ALOX15B: variants seen among roughly 807,000 people sequenced by gnomAD.
ALOX15B encodes the protein arachidonate 15-lipoxygenase type B.
ALOX15B carries 74 observed loss-of-function variants against 73.8 expected under a neutral mutation model. The observed-to-expected ratio is 1.00, with a 90% CI of 0.83 to 1.22. ALOX15B has a LOEUF of 1.22. Among genes scored for constraint, ALOX15B ranks in the 50% most tolerant of loss-of-function variants. ALOX15B has a pLI of 0.00. For synonymous variants in ALOX15B, 353 were observed against 357.2 expected (o/e 0.99, Z 0.13); for missense variants, 896 against 859.9 (o/e 1.04, Z -0.52).
chr17:8,040,335 G>A (rs577591847), intron 3 of ALOX15B, among the ~76,000 whole-genome samples: 22 of 151,920 alleles, frequency 1.4e-4, no homozygotes, highest in Admixed American at 2.6e-4. Flanking sequence ...ACTGGAGGTC[G>A]GGAGTTCGAG....
At chr17:8,045,771 T>C (rs897506532) in intron 8 of ALOX15B, 85 bp downstream of exon 8, 2 of 1,451,094 alleles carry the variant, frequency 1.4e-6, no homozygotes, top group Non-Finnish European at 1.9e-6. Flanking sequence ...GCCCTATCCA[T>C]GCAAGCTGGG....
intron 5 of ALOX15B, among the ~76,000 whole-genome samples, chr17:8,043,764 G>A (rs1420830973): frequency 6.6e-6 from 1 of 152,042 alleles, no homozygotes; most frequent in East Asian, 1.9e-4. Flanking sequence ...GAGGGGTACT[G>A]CCAAGAGAGG....
At chr17:8,040,635 G>GAAAGAAAGAAAT (rs1555638483) in intron 3 of ALOX15B, among the ~76,000 whole-genome samples, 10 of 131,060 alleles carry the variant, frequency 7.6e-5, no homozygotes, top group African/African-American at 2.6e-4. Flanking sequence ...AAGAAAGAAA[G>GAAAGAAAGAAAT]AAAGAAAGAA....
At chr17:8,044,105 GAGGAAGGAAGGAAGGAAGGAAGGA>G (rs556498649) in intron 5 of ALOX15B, among the ~76,000 whole-genome samples, 1 of 62,320 alleles carries the variant, frequency 1.6e-5, no homozygotes, top group African/African-American at 7.3e-5. Context: ...GAGAGAGAGA[GAGGAAGGAAGGAAGGAAGGAAGGA>G]AGGAAGGAAG....
chr17:8,044,155 A>AAGGAAGGAAG (rs1976540367), intron 5 of ALOX15B, among the ~76,000 whole-genome samples: 4 of 52,312 alleles, frequency 7.6e-5, no homozygotes, highest in African/African-American at 1.4e-4. Context: ...AAGGAAGGAA[A>AAGGAAGGAAG]GAAAGAAAAG....
chr17:8,042,914 T>C, intron 5 of ALOX15B, 30 bp downstream of exon 5: 1 of 1,515,830 alleles, frequency 6.6e-7, no homozygotes, highest in Non-Finnish European at 9.0e-7. Flanking sequence ...GATCCTGACC[T>C]CTTTCCTGGG....
intron 3 of ALOX15B, among the ~76,000 whole-genome samples, chr17:8,040,651 GAAA>G (rs138305271): frequency 1.1e-5 from 1 of 92,502 alleles, no homozygotes; most frequent in Non-Finnish European, 2.7e-5. Flanking sequence ...AAGAAAGAAA[GAAA>G]AGAAAGAGAA....
At chr17:8,041,765 G>A (rs1976469513) in intron 3 of ALOX15B, among the ~76,000 whole-genome samples, 1 of 152,126 alleles carries the variant, frequency 6.6e-6, no homozygotes, top group Non-Finnish European at 1.5e-5. Context: ...TGCCTCGGGC[G>A]GCTCCCCCTA....
chr17:8,046,876 G>A (rs1976623872), intron 9 of ALOX15B, 31 bp from the exon 10 acceptor site: 2 of 1,613,092 alleles, frequency 1.2e-6, no homozygotes, highest in Non-Finnish European at 8.5e-7. Context: ...CTGGAGCAAG[G>A]TCTGTAGGAC....
Position 8,042,373 on chromosome 17 carries a change from A to C in ALOX15B, c.454A>C (p.Lys152Gln). The C allele has an allele frequency of 6.2e-7, 1 of 1,613,928 alleles. No individual in the cohort carries two copies. Residue 152 changes from lysine (K) to glutamine (Q), a missense_variant, in exon 4 of 14, where the codon AAG becomes CAG. Transcript: ENST00000380183. ...LQARQEMYQW[K>Q]AYNPGWPHCL... ...CCTTCCCTCTCTACCCTCCAGGTGG[A>C]AGGCTTACAACCCAGGTTGGCCTCA...
intron 6 of ALOX15B, 90 bp downstream of exon 6, chr17:8,045,091 T>C: frequency 1.9e-6 from 3 of 1,588,470 alleles, no homozygotes; most frequent in Non-Finnish European, 2.6e-6. Flanking sequence ...CACACTCACA[T>C]TTGTTAGGGA....
At position 8,040,180 on chromosome 17, in the gene ALOX15B, G is replaced by T. The variant is rs556831976; in HGVS notation, c.449+197G>T. Reference sequence around the variant, plus strand: ...CCTCCAACCTACTACGACACTGAGGGTGTAGAGTGGGAATTTTTGTTTTGA... The same window carrying T: ...CCTCCAACCTACTACGACACTGAGGTTGTAGAGTGGGAATTTTTGTTTTGA... On this transcript the variant is annotated intron_variant, in intron 3 of 13. Transcript: ENST00000380183. Among the ~76,000 whole-genome samples the T allele has an allele frequency of 3.9e-5, 6 of 152,286 alleles. No homozygotes were observed. In the South Asian group the frequency reaches 1.2e-3, roughly 32 times the overall value.
At chr17:8,042,587 A>T in intron 4 of ALOX15B, 96 bp downstream of exon 4, 3 of 1,516,992 alleles carry the variant, frequency 2.0e-6, no homozygotes, top group Non-Finnish European at 2.7e-6. Flanking sequence ...CCTCAGTGAT[A>T]TGAGTCACAT....
Position 8,043,955 on chromosome 17 carries a change from G to A in ALOX15B, c.677-874G>A, listed in dbSNP as rs180741047. On this transcript the variant is annotated intron_variant, in intron 5 of 13. Transcript: ENST00000380183. ...GTGGTGGCATGGGCCTGTAGTCCCA[G>A]CTACTCAGGAGGCTGAGGCCTGAGA... is the stretch of plus-strand genomic sequence containing the variant. Among the ~76,000 whole-genome samples the A allele has an allele frequency of 9.2e-5, 14 of 152,220 alleles. No individual in the cohort carries two copies. The East Asian group carries it at 2.7e-3, about 29-fold the overall frequency.
Position 8,039,099 on chromosome 17 carries a change from G to A in ALOX15B, c.-57G>A, listed in dbSNP as rs930268710. The A allele has an allele frequency of 6.3e-7, 1 of 1,576,352 alleles. No individual in the cohort carries two copies. The highest frequency in any genetic ancestry group is 8.6e-7 in the Non-Finnish European group (1 of 1,163,770). ...GGGCAATAACCAGGCGTGTCCCAGGGGGGAGCCCCGCTCTGCAGCCCTGTG... is the reference window on the plus strand; with the variant it reads ...GGGCAATAACCAGGCGTGTCCCAGGAGGGAGCCCCGCTCTGCAGCCCTGTG... On this transcript the variant is annotated 5_prime_UTR_variant, in exon 1 of 14. Transcript: ENST00000380183.
rs923816971 is a variant in ALOX15B at position 8,039,431 on chromosome 17, C to G, written c.193C>G (p.Leu65Val). The G allele has an allele frequency of 3.1e-6, 5 of 1,611,766 alleles. No homozygotes were observed. In the African/African-American group the frequency reaches 6.7e-5, roughly 22 times the overall value. ...VTLPEDVGRV[L>V]LLRVHKAPPV... Reference sequence around the variant, plus strand: ...GCTCCCGGAGGACGTAGGCCGAGTGCTGCTGCTGCGCGTGCACAAGGCGCC... The same window carrying G: ...GCTCCCGGAGGACGTAGGCCGAGTGGTGCTGCTGCGCGTGCACAAGGCGCC... Residue 65 changes from leucine (L) to valine (V), a missense_variant, in exon 2 of 14, where the codon CTG becomes GTG. Leu to Val is a conservative substitution (Grantham distance 32). Coordinates refer to ENST00000380183, the MANE Select transcript of ALOX15B (RefSeq NM_001141.3).
intron 5 of ALOX15B, among the ~76,000 whole-genome samples, chr17:8,044,151 G>A (rs55645572): frequency 0.033 from 3,743 of 114,296 alleles, 103 homozygotes; most frequent in South Asian, 0.077. Flanking sequence ...AAGGAAGGAA[G>A]GAAAGAAAGA....
chr17:8,041,900 A>G (rs1299132540), intron 3 of ALOX15B, among the ~76,000 whole-genome samples: 1 of 152,238 alleles, frequency 6.6e-6, no homozygotes, highest in Non-Finnish European at 1.5e-5. Flanking sequence ...CGGGACTTCT[A>G]TAGTTGCAAG....
At chr17:8,044,161 A>G (rs1976541042) in intron 5 of ALOX15B, among the ~76,000 whole-genome samples, 1 of 151,086 alleles carries the variant, frequency 6.6e-6, no homozygotes, top group African/African-American at 2.4e-5. Context: ...GGAAAGAAAG[A>G]AAAGGAAAAA....
Sources: allele counts gnomAD v4.1 joint callset (sites outside exome capture counted in the v4.1 genomes callset), GRCh38; gene constraint gnomAD v4.1.1; transcripts MANE v1.5; gene names NCBI Gene and HGNC (gene_info 2026-07-23, HGNC 2026-07-21).